RXRB: variants seen among roughly 807,000 people sequenced by gnomAD.
RXRB encodes retinoic acid receptor RXR-beta.
In RXRB, 18 loss-of-function variants were observed where a neutral mutation model predicts 52.5. The observed-to-expected ratio is 0.34, with a 90% CI of 0.24 to 0.51. The LOEUF is 0.51. Among genes scored for constraint, RXRB ranks in the 20% least tolerant of loss-of-function variants. RXRB has a pLI of 0.97. For missense variants in RXRB, 455 were observed against 698.2 expected (o/e 0.65, Z 3.92); for synonymous variants, 233 against 267.1 (o/e 0.87, Z 1.25).
At position 33,195,710 on chromosome 6, in the gene RXRB, G is replaced by A. The variant is rs768820023; in HGVS notation, c.1124-8C>T. 17 of 1,610,836 alleles carry A rather than the reference G, an allele frequency of 1.1e-5. No homozygotes were observed. Among genetic ancestry groups the A allele is most frequent in the South Asian group, 5.5e-5 (5 of 90,978 alleles). On this transcript the variant is annotated splice_region_variant and splice_polypyrimidine_tract_variant and intron_variant, in intron 6 of 9. Transcript: ENST00000374680. This position sits in a 1 kb window ranked among gnomAD's most constrained non-coding sequence, Gnocchi z 8.6. ...TGAGGAGTTCATTCCAGCCTGGGTG[G>A]GGCAGCAAGGGTCAGGAGCCAGAAA...
Position 33,200,545 on chromosome 6 carries a change from C to G in RXRB, c.-69G>C, listed in dbSNP as rs1774432810. On this transcript the variant is annotated 5_prime_UTR_variant, in exon 1 of 10. Transcript: ENST00000374680. This position sits in a 1 kb window ranked among gnomAD's most constrained non-coding sequence, Gnocchi z 6.3. The stretch of plus-strand genomic sequence containing the variant: ...TCCCAAGGATTGATCGGAGGATTAG[C>G]TGAGCACGAGGAAGCCCCTGAGAGA... The G allele has an allele frequency of 1.3e-6, 2 of 1,512,418 alleles. No individual in the cohort carries two copies. Among genetic ancestry groups the G allele is most frequent in the Middle Eastern group, 1.7e-4 (1 of 5,822 alleles). The allele number at this position is 1,512,418 out of a possible 1,614,324, so 93.7% of individuals were successfully genotyped here.
At position 33,197,644 on chromosome 6, in the gene RXRB, C is replaced by T; in HGVS notation, c.820+118G>A. On this transcript the variant is annotated intron_variant, in intron 4 of 9. Transcript: ENST00000374680. The surrounding 1 kb of genome is among the most constrained non-coding windows in gnomAD (Gnocchi z 4.4). ...GAGAGCTGCGAAGGGAGAGAGAAAT[C>T]AAATATCGCCCTCTAGAGGAGAGAG... 1 of 916,468 alleles carries T rather than the reference C, an allele frequency of 1.1e-6. No individual in the cohort carries two copies. The highest frequency in any genetic ancestry group is 1.6e-6 in the Non-Finnish European group (1 of 612,826). The allele number at this position is 916,468 out of a possible 1,614,324, so 56.8% of individuals were successfully genotyped here.
At position 33,196,421 on chromosome 6, in the gene RXRB, C is replaced by T. The variant is rs1773902044; in HGVS notation, c.993+13G>A. 1 of 1,612,208 alleles carries T rather than the reference C, an allele frequency of 6.2e-7. No homozygotes were observed. Among genetic ancestry groups the T allele is most frequent in the Non-Finnish European group, 8.5e-7 (1 of 1,179,470 alleles). ...CCCATCACGAAGGAGAGTGGATTGA[C>T]CCCAACACTCACGCTGCTGCCGCTA... On this transcript the variant is annotated intron_variant, in intron 5 of 9. Coordinates refer to ENST00000374680, the MANE Select transcript of RXRB (RefSeq NM_021976.5). The surrounding 1 kb of genome is among the most constrained non-coding windows in gnomAD (Gnocchi z 4.0).
chr6:33,200,521 C>T lies in RXRB; in HGVS notation c.-45G>A, dbSNP rs1242585390. The T allele has an allele frequency of 1.3e-6, 2 of 1,544,334 alleles. No individual in the cohort carries two copies. Among genetic ancestry groups the T allele is most frequent in the African/African-American group, 1.4e-5 (1 of 73,878 alleles). On this transcript the variant is annotated 5_prime_UTR_variant, in exon 1 of 10. Transcript: ENST00000374680. The surrounding 1 kb of genome is among the most constrained non-coding windows in gnomAD (Gnocchi z 6.3). Reference sequence around the variant, plus strand: ...GGATACCGAAGAGGTCCCAGGGATTCCCAAGGATTGATCGGAGGATTAGCT... The same window carrying T: ...GGATACCGAAGAGGTCCCAGGGATTTCCAAGGATTGATCGGAGGATTAGCT...
chr6:33,195,949 A>C lies in RXRB; in HGVS notation c.1081T>G (p.Ser361Ala). 1 of 1,613,000 alleles carries C rather than the reference A, an allele frequency of 6.2e-7. No homozygotes were observed. The highest frequency in any genetic ancestry group is 8.5e-7 in the Non-Finnish European group (1 of 1,180,024). The part of the protein sequence containing the change: ...VEWAKRIPHF[S>A]SLPLDDQVIL... ...ACCTGATCATCCAGAGGCAAGGAGGAAAAGTGTGGGATCCTCTTCGCCCAC... is the reference window on the plus strand; with the variant it reads ...ACCTGATCATCCAGAGGCAAGGAGGCAAAGTGTGGGATCCTCTTCGCCCAC... The change falls in exon 6 of 10, where the codon TCC becomes GCC. Residue 361 changes from serine (S) to alanine (A), a missense_variant. Ser to Ala is a moderately conservative substitution (Grantham distance 99). Around this residue, in one of 4 missense-constraint regions of RXRB, gnomAD observed 115 missense variants for 253.1 expected, o/e 0.45. Transcript: ENST00000374680. This position sits in a 1 kb window ranked among gnomAD's most constrained non-coding sequence, Gnocchi z 8.6.
chr6:33,195,584 T>C lies in RXRB; in HGVS notation c.1242A>G (p.Gly414=). 1 of 1,613,030 alleles carries C rather than the reference T, an allele frequency of 6.2e-7. No individual in the cohort carries two copies. The highest frequency in any genetic ancestry group is 8.5e-7 in the Non-Finnish European group (1 of 1,180,024). The change falls in exon 7 of 10, where the codon GGA becomes GGG. Residue 414 remains glycine (G), a synonymous_variant. Transcript: ENST00000374680. The surrounding 1 kb of genome is among the most constrained non-coding windows in gnomAD (Gnocchi z 8.6). ...HRNSAHSAGV[G]AIFDRVLTEL... is the part of the protein sequence containing the mutation. ...GGGCCACTGACCGATCAAAGATGGC[T>C]CCTACTCCTGCTGAATGGGCTGAGT...
In RXRB at chr6:33,199,246, T is replaced by C; in HGVS notation, c.406A>G (p.Ile136Val). ...PPPLGSPFPV[I>V]SSSMGSPGLP... Reference sequence around the variant, plus strand: ...CCAGGGGACCCCATGGAAGAACTGATGACTGGAAAGGGAGAGCCCAGTGGG... The same window carrying C: ...CCAGGGGACCCCATGGAAGAACTGACGACTGGAAAGGGAGAGCCCAGTGGG... The change falls in exon 2 of 10, where the codon ATC becomes GTC. Residue 136 changes from isoleucine (I) to valine (V), a missense_variant. Ile to Val is a conservative substitution (Grantham distance 29). Transcript: ENST00000374680. 4 of 1,133,602 alleles carry C rather than the reference T, an allele frequency of 3.5e-6. No individual in the cohort carries two copies. Among genetic ancestry groups the C allele is most frequent in the Non-Finnish European group, 4.4e-6 (4 of 907,154 alleles). The allele number at this position is 1,133,602 out of a possible 1,614,324, so 70.2% of individuals were successfully genotyped here. A position where few individuals can be genotyped will look rare whatever the true frequency, so the allele number is the denominator to read the frequency against.
In RXRB at chr6:33,200,411, C is replaced by T; in HGVS notation, c.66G>A (p.Val22=). Residue 22 remains valine, a synonymous_variant, in exon 1 of 10, where the codon GTG becomes GTA. Coordinates refer to ENST00000374680, the MANE Select transcript of RXRB (RefSeq NM_021976.5). This position sits in a 1 kb window ranked among gnomAD's most constrained non-coding sequence, Gnocchi z 6.3. ...CACAATGCATTTCTTTTCGCACCCC[C>T]ACCGGCCCACACTGCCCTGCGGCAT... ...QRHAAGQCGP[V]GVRKEMHCGV... The T allele has an allele frequency of 2.5e-6, 4 of 1,574,004 alleles. No homozygotes were observed. The highest frequency in any genetic ancestry group is 3.4e-6 in the Non-Finnish European group (4 of 1,161,600).
In RXRB at chr6:33,196,352, AG is replaced by A; in HGVS notation, c.993+81del. ...GTTAGGAAGGTTATGAGGGGAAAGG[AG>A]GGGGAGGGGATGTAGAACAGACCTA... On this transcript the variant is annotated intron_variant, in intron 5 of 9. Transcript: ENST00000374680. This position sits in a 1 kb window ranked among gnomAD's most constrained non-coding sequence, Gnocchi z 4.0. 7.3e-7 allele frequency: 1 copy of A among 1,367,104 alleles called. No individual in the cohort carries two copies. Among genetic ancestry groups the A allele is most frequent in the South Asian group, 1.2e-5 (1 of 86,244 alleles). The allele number at this position is 1,367,104 out of a possible 1,614,324, so 84.7% of individuals were successfully genotyped here.
intron 1 of RXRB, chr6:33,199,984 T>A: frequency 1.3e-6 from 1 of 756,344 alleles, no homozygotes; most frequent in South Asian, 1.4e-5. Flanking sequence ...GTCCTGAGGT[T>A]TAAGAGGAAT....
chr6:33,198,092 C>A, intron 3 of RXRB, 151 bp from the exon 4 acceptor site: 1 of 1,031,190 alleles, frequency 9.7e-7, no homozygotes, highest in Middle Eastern at 2.9e-4. Context: ...TGATCCAGTC[C>A]CAGTCTCCTC....
chr6:33,198,146 T>C (rs902974095), intron 3 of RXRB, among the ~76,000 whole-genome samples, 162 bp downstream of exon 3: 2 of 152,200 alleles, frequency 1.3e-5, no homozygotes, highest in Non-Finnish European at 2.9e-5. Flanking sequence ...CCCTCTGACC[T>C]TCCCCCCAAT....
rs868286601 is a variant in RXRB at position 33,200,412 on chromosome 6, A to C, written c.65T>G (p.Val22Gly). 4 of 1,574,618 alleles carry C rather than the reference A, an allele frequency of 2.5e-6. No homozygotes were observed. The highest frequency in any genetic ancestry group is 1.3e-5 in the African/African-American group (1 of 74,404). The change falls in exon 1 of 10, where the codon GTG becomes GGG. Residue 22 changes from valine (V) to glycine (G), a missense_variant. Val to Gly is a moderately radical substitution (Grantham distance 109). Transcript: ENST00000374680. The surrounding 1 kb of genome is among the most constrained non-coding windows in gnomAD (Gnocchi z 6.3). ...ACAATGCATTTCTTTTCGCACCCCC[A>C]CCGGCCCACACTGCCCTGCGGCATG... is the stretch of plus-strand genomic sequence containing the variant. The part of the protein sequence containing the change: ...QRHAAGQCGP[V>G]GVRKEMHCGV...
chr6:33,194,837 G>A lies in RXRB; in HGVS notation c.1455-8C>T, dbSNP rs751031967. On this transcript the variant is annotated splice_region_variant and splice_polypyrimidine_tract_variant and intron_variant, in intron 9 of 9. Transcript: ENST00000374680. This position sits in a 1 kb window ranked among gnomAD's most constrained non-coding sequence, Gnocchi z 4.1. ...AGCAGCAGCTTGGCAAACCTGGGGTGGAGGTGGGAGAAGGGGATTGAGAGC... is the reference window on the plus strand; with the variant it reads ...AGCAGCAGCTTGGCAAACCTGGGGTAGAGGTGGGAGAAGGGGATTGAGAGC... 3.1e-6 allele frequency: 5 copies of A among 1,612,760 alleles called. No individual in the cohort carries two copies. In the South Asian group the frequency reaches 4.4e-5, roughly 14 times the overall value.
chr6:33,194,686 G>A lies in RXRB; in HGVS notation c.1598C>T (p.Ala533Val). The A allele has an allele frequency of 6.2e-7, 1 of 1,612,908 alleles. No individual in the cohort carries two copies. Among genetic ancestry groups the A allele is most frequent in the Non-Finnish European group, 8.5e-7 (1 of 1,179,908 alleles). The part of the protein sequence containing the change: ...MEMLEAPHQL[A>V] ...GCACCACGTCTGGGTCTGAGCTCAGGCCAGTTGATGGGGAGCCTCAAGCAT... is the reference window on the plus strand; with the variant it reads ...GCACCACGTCTGGGTCTGAGCTCAGACCAGTTGATGGGGAGCCTCAAGCAT... The change falls in exon 10 of 10, where the codon GCC becomes GTC. Residue 533 changes from alanine to valine, a missense_variant. Physicochemically the swap from Ala to Val is moderately conservative, Grantham distance 64. This residue lies in a region of RXRB where 115 missense variants were observed against 253.1 expected (regional missense o/e 0.45). Coordinates refer to ENST00000374680, the MANE Select transcript of RXRB (RefSeq NM_021976.5). The surrounding 1 kb of genome is among the most constrained non-coding windows in gnomAD (Gnocchi z 4.1).
chr6:33,199,483 G>C (rs1774256651), intron 1 of RXRB, 67 bp from the exon 2 acceptor site: 1 of 1,189,656 alleles, frequency 8.4e-7, no homozygotes, highest in East Asian at 3.1e-5. Flanking sequence ...AAGAAAATGA[G>C]TCTTCAAACA....
In RXRB at chr6:33,196,730, G is replaced by A. The variant is rs973127614; in HGVS notation, c.821-124C>T. 95 of 886,640 alleles carry A rather than the reference G, an allele frequency of 1.1e-4. No homozygotes were observed. Among genetic ancestry groups the A allele is most frequent in the Non-Finnish European group, 1.4e-4 (84 of 589,106 alleles). 54.9% of individuals were successfully genotyped at this position (886,640 alleles called of 1,614,324 possible). ...TTGGGAGATATTTATAGGAATTGGGGAAGTCACTAGAAAGGGTGGACTGGG... is the reference window on the plus strand; with the variant it reads ...TTGGGAGATATTTATAGGAATTGGGAAAGTCACTAGAAAGGGTGGACTGGG... On this transcript the variant is annotated intron_variant, in intron 4 of 9. Coordinates refer to ENST00000374680, the MANE Select transcript of RXRB (RefSeq NM_021976.5). The surrounding 1 kb of genome is among the most constrained non-coding windows in gnomAD (Gnocchi z 4.0).
In RXRB at chr6:33,196,032, T is replaced by C. The variant is rs1183602331; in HGVS notation, c.998A>G (p.Asn333Ser). The C allele has an allele frequency of 1.2e-6, 2 of 1,613,020 alleles. No individual in the cohort carries two copies. Among genetic ancestry groups the C allele is most frequent in the East Asian group, 4.5e-5 (2 of 44,882 alleles). ...CTGACAGATGTTAGTCACAGGGTCA[T>C]TTGGCTGCAGGGGACGGGGGTAAGA... Reference protein sequence around the residue: ...GGTGGSGSSPNDPVTNICQAA... With the variant: ...GGTGGSGSSPSDPVTNICQAA... The change falls in exon 6 of 10, where the codon AAT (asparagine) becomes AGT (serine). Residue 333 changes from asparagine to serine, a missense_variant. By Grantham distance (46) the Asn-to-Ser change is conservative. This residue lies in a region of RXRB where 100 missense variants were observed against 141.9 expected (regional missense o/e 0.70). Coordinates refer to ENST00000374680, the MANE Select transcript of RXRB (RefSeq NM_021976.5). The surrounding 1 kb of genome is among the most constrained non-coding windows in gnomAD (Gnocchi z 4.0).
intron 1 of RXRB, chr6:33,199,951 G>A: frequency 1.4e-6 from 1 of 739,844 alleles, no homozygotes; most frequent in East Asian, 2.6e-5. Context: ...CTAAGACGCA[G>A]GATCTGCCTG....
Sources: gnomAD v4.1 joint callset for allele counts (sites outside exome capture counted in the v4.1 genomes callset) on GRCh38, gnomAD v4.1.1 for gene constraint, gnomAD v4.1.1 regional missense constraint, Gnocchi (gnomAD v3.1) non-coding constraint, MANE v1.5 for transcripts, NCBI Gene and HGNC (gene_info 2026-07-23, HGNC 2026-07-21) for gene names.